Variants in DNAH17 observed in about 807,000 individuals in gnomAD.
DNAH17 encodes dynein axonemal heavy chain 17, also known as axonemal beta dynein heavy chain 17.
Under a neutral mutation model 485.6 loss-of-function variants are expected in DNAH17, and 376 were observed. The observed-to-expected ratio is 0.77, with a 90% CI of 0.71 to 0.84. The LOEUF is 0.84. Ranked by LOEUF, DNAH17 falls within the 40% of genes least tolerant of loss-of-function variation. DNAH17 has a pLI of 0.00. For missense variants in DNAH17, 6,370 were observed against 5,839.3 expected (o/e 1.09, Z -2.96); for synonymous variants, 3,031 against 2,405.9 (o/e 1.26, Z -7.60).
intron 63 of DNAH17, 42 bp from the exon 64 acceptor site, chr17:78,454,747 C>T (rs1453034233): frequency 6.6e-7 from 1 of 1,522,088 alleles, no homozygotes; most frequent in South Asian, 1.1e-5. Context: ...GTAATGCGAC[C>T]TTATTACTTA....
chr17:78,441,326 T>C, intron 71 of DNAH17, 127 bp from the exon 72 acceptor site: 1 of 1,046,856 alleles, frequency 9.6e-7, no homozygotes, highest in South Asian at 1.6e-5. Context: ...GGACAAGGCC[T>C]GTGGCAGGAG....
intron 54 of DNAH17, among the ~76,000 whole-genome samples, chr17:78,469,721 A>T (rs898714807): frequency 1.3e-5 from 2 of 152,246 alleles, no homozygotes; most frequent in Non-Finnish European, 2.9e-5. Flanking sequence ...CATCTGTGCA[A>T]TGGAATATGA....
At chr17:78,488,258 C>T (rs2089699428) in intron 44 of DNAH17, among the ~76,000 whole-genome samples, 1 of 152,204 alleles carries the variant, frequency 6.6e-6, no homozygotes, top group Admixed American at 6.5e-5. Flanking sequence ...GGCTTCTTGC[C>T]CTGTCCCCAA....
Position 78,569,434 on chromosome 17 carries a change from G to C in DNAH17, c.1138C>G (p.Leu380Val), listed in dbSNP as rs2092317975. Residue 380 changes from leucine to valine, a missense_variant, in exon 8 of 81, where the codon CTG (leucine) becomes GTG (valine). Transcript: ENST00000389840. ...LSGISLAVNV[L>V]KELYQTYDFC... ...TCGTACGTCTGGTAGAGCTCCTTCA[G>C]CACATTTACAGCCAGGGAGATGCCA... 6.2e-7 allele frequency: 1 copy of C among 1,612,450 alleles called. No individual in the cohort carries two copies. Among genetic ancestry groups the C allele is most frequent in the Non-Finnish European group, 8.5e-7 (1 of 1,179,294 alleles).
chr17:78,447,104 A>AT (rs2087341885), intron 69 of DNAH17, among the ~76,000 whole-genome samples: 1 of 151,804 alleles, frequency 6.6e-6, no homozygotes, highest in Non-Finnish European at 1.5e-5. Flanking sequence ...TCACCTAGCT[A>AT]TTTTTTTGTG....
At chr17:78,481,952 C>T (rs60192822) in intron 48 of DNAH17, among the ~76,000 whole-genome samples, 5,692 of 152,048 alleles carry the variant, frequency 0.037, 342 homozygotes, top group African/African-American at 0.13. Flanking sequence ...GAGGTGGAGG[C>T]TGCAGTGAGC....
intron 48 of DNAH17, among the ~76,000 whole-genome samples, chr17:78,484,500 TCTTCCTTTACCGGGTAATGTGCTTCTTC>T (rs2089497885): frequency 6.6e-6 from 1 of 152,030 alleles, no homozygotes; most frequent in Admixed American, 6.5e-5. Context: ...TCCTCAGGGC[TCTTCCTTTACCGGGTAATGTGCTTCTTC>T]CTCTCCCGGC....
In DNAH17 at chr17:78,550,233, C is replaced by T. The variant is rs763496205; in HGVS notation, c.2391+1302G>A. Among the ~76,000 whole-genome samples, 5 of 128,814 alleles carry T rather than the reference C, an allele frequency of 3.9e-5. No homozygotes were observed. The Admixed American group carries it at 4.0e-4, about 10-fold the overall frequency. 84.5% of individuals were successfully genotyped at this position (128,814 alleles called of 152,430 possible). On this transcript the variant is annotated intron_variant, in intron 16 of 80. Coordinates refer to ENST00000389840, the MANE Select transcript of DNAH17 (RefSeq NM_173628.4). Reference sequence around the variant, plus strand: ...GCGGACATTAACACAAGGAGGCACACGTCTGGACACTTTGGTGACATTTTC... The same window carrying T: ...GCGGACATTAACACAAGGAGGCACATGTCTGGACACTTTGGTGACATTTTC...
intron 19 of DNAH17, among the ~76,000 whole-genome samples, chr17:78,535,637 AAAC>A (rs1241380051): frequency 3.9e-5 from 6 of 152,186 alleles, no homozygotes; most frequent in African/African-American, 1.4e-4. Flanking sequence ...TTTACAATTC[AAAC>A]AACGCAGAAA....
At chr17:78,460,350 G>GTGTGCATGTC in intron 58 of DNAH17, 93 bp from the exon 59 acceptor site, 1 of 994,436 alleles carries the variant, frequency 1.0e-6, no homozygotes, top group Non-Finnish European at 1.5e-6. Flanking sequence ...GTGTGCATGT[G>GTGTGCATGTC]TGTGCATGTA....
chr17:78,478,341 A>AC (rs1362639597), intron 51 of DNAH17, among the ~76,000 whole-genome samples: 1 of 144,946 alleles, frequency 6.9e-6, no homozygotes, highest in African/African-American at 2.6e-5. Flanking sequence ...TATCACCATC[A>AC]CATCACCCAC....
chr17:78,461,848 GGA>G (rs974242120), intron 57 of DNAH17, 140 bp from the exon 58 acceptor site: 5 of 742,976 alleles, frequency 6.7e-6, no homozygotes, highest in Middle Eastern at 3.4e-4. Context: ...GACTCGTTTT[GGA>G]GAGTCTTTTC....
chr17:78,474,380 G>A (rs1568110099), intron 54 of DNAH17, among the ~76,000 whole-genome samples: 1 of 152,270 alleles, frequency 6.6e-6, no homozygotes, highest in Non-Finnish European at 1.5e-5. Context: ...AGTTGCCTGG[G>A]AGAGCAGATT....
intron 51 of DNAH17, among the ~76,000 whole-genome samples, chr17:78,478,021 CACCACCA>C (rs2089137129): frequency 9.6e-6 from 1 of 104,416 alleles, no homozygotes; most frequent in East Asian, 2.5e-4. Flanking sequence ...TCATCACCAT[CACCACCA>C]CCATCACACC....
At position 78,507,457 on chromosome 17, in the gene DNAH17, C is replaced by G; in HGVS notation, c.4584+1G>C. The stretch of plus-strand genomic sequence containing the variant: ...CGTGGGAACCACCGGGCTGTGCTCA[C>G]CTTGAATTCCTGGTTGATGTCGTCA... On this transcript the variant is annotated splice_donor_variant, in intron 28 of 80. Transcript: ENST00000389840. LOFTEE classifies it high-confidence loss of function. The G allele has an allele frequency of 6.2e-7, 1 of 1,612,380 alleles. No individual in the cohort carries two copies. The highest frequency in any genetic ancestry group is 8.5e-7 in the Non-Finnish European group (1 of 1,178,412).
chr17:78,569,401 A>G lies in DNAH17; in HGVS notation c.1171T>C (p.Cys391Arg), dbSNP rs756410177. Residue 391 changes from cysteine (C) to arginine (R), a missense_variant, in exon 8 of 81, where the codon TGC (cysteine) becomes CGC (arginine). Transcript: ENST00000389840. Reference sequence around the variant, plus strand: ...TTAAAGAAAAGCTTCATGTTCACGCAGCAGAAGTCGTACGTCTGGTAGAGC... The same window carrying G: ...TTAAAGAAAAGCTTCATGTTCACGCGGCAGAAGTCGTACGTCTGGTAGAGC... Reference protein sequence around the residue: ...KELYQTYDFCCVNMKLFFKDK... With the variant: ...KELYQTYDFCRVNMKLFFKDK... The G allele has an allele frequency of 1.2e-6, 2 of 1,613,202 alleles. No homozygotes were observed. The highest frequency in any genetic ancestry group is 2.2e-5 in the East Asian group (1 of 44,870).
At chr17:78,530,812 A>G (rs774151415) in intron 20 of DNAH17, among the ~76,000 whole-genome samples, 25 of 152,212 alleles carry the variant, frequency 1.6e-4, no homozygotes, top group Non-Finnish European at 3.4e-4. Flanking sequence ...GAGGTGAACC[A>G]GGTCACAGGC....
At chr17:78,567,375 A>T (rs1486134679) in intron 9 of DNAH17, among the ~76,000 whole-genome samples, 1 of 152,078 alleles carries the variant, frequency 6.6e-6, no homozygotes, top group African/African-American at 2.4e-5. Context: ...GATGGAAGGA[A>T]GGGCTCTGTG....
At chr17:78,451,777 C>A in intron 65 of DNAH17, 104 bp from the exon 66 acceptor site, 1 of 941,468 alleles carries the variant, frequency 1.1e-6, no homozygotes, top group East Asian at 2.6e-5. Context: ...AGGCCGCCAC[C>A]TTGAACCCTC....
Sources: allele counts gnomAD v4.1 joint callset (sites outside exome capture counted in the v4.1 genomes callset), GRCh38; gene constraint gnomAD v4.1.1; transcripts MANE v1.5; gene names NCBI Gene and HGNC (gene_info 2026-07-23, HGNC 2026-07-21).